Variants in AFF3 observed in about 807,000 individuals in gnomAD.
AFF3 encodes ALF transcription elongation factor 3, also known as AF4/FMR2 family member 3.
AFF3 carries 32 observed loss-of-function variants against 129.7 expected under a neutral mutation model. The observed-to-expected ratio is 0.25, with a 90% CI of 0.19 to 0.33. The LOEUF (loss-of-function observed/expected upper bound fraction) is 0.33, where lower values mean the gene tolerates loss of function less well. Ranked by LOEUF, AFF3 falls within the 10% of genes least tolerant of loss-of-function variation. AFF3 has a pLI of 1.00. For synonymous variants in AFF3, 644 were observed against 635.4 expected (o/e 1.01, Z -0.20); for missense variants, 1,373 against 1,592.0 (o/e 0.86, Z 2.34).
chr2:99,610,243 C>A (rs1680789925), intron 13 of AFF3, among the ~76,000 whole-genome samples: 2 of 152,214 alleles, frequency 1.3e-5, no homozygotes, highest in Admixed American at 6.5e-5. Flanking sequence ...CCATAAAGAT[C>A]TCCCTCATGA....
At chr2:100,112,197 G>A (rs1691536195) in intron 2 of AFF3, among the ~76,000 whole-genome samples, 1 of 152,198 alleles carries the variant, frequency 6.6e-6, no homozygotes, top group African/African-American at 2.4e-5. Context: ...ATACCATACA[G>A]AGAGGGCGAG....
At chr2:100,027,500 C>T (rs1375868014) in intron 4 of AFF3, among the ~76,000 whole-genome samples, 1 of 152,194 alleles carries the variant, frequency 6.6e-6, no homozygotes, top group Non-Finnish European at 1.5e-5. Context: ...ATTTACGGAA[C>T]TGCCAAGGCC....
chr2:100,114,464 C>G (rs552710894), intron 2 of AFF3, among the ~76,000 whole-genome samples: 58 of 152,276 alleles, frequency 3.8e-4, no homozygotes, highest in African/African-American at 1.3e-3. Flanking sequence ...TCACTGCAAC[C>G]TCTGCCTCCC....
intron 11 of AFF3, among the ~76,000 whole-genome samples, chr2:99,705,418 G>A (rs1169053316): frequency 6.6e-6 from 1 of 152,018 alleles, no homozygotes; most frequent in African/African-American, 2.4e-5. Flanking sequence ...GAGGTCAACG[G>A]CACCAGAGGA....
At chr2:100,059,628 C>T (rs2105217077) in intron 4 of AFF3, among the ~76,000 whole-genome samples, 1 of 152,310 alleles carries the variant, frequency 6.6e-6, no homozygotes, top group Admixed American at 6.5e-5. Context: ...TGAATTATAT[C>T]TGAATATAGC....
chr2:100,105,509 A>G lies in AFF3; in HGVS notation c.-70T>C. 1.5e-6 allele frequency: 2 copies of G among 1,330,250 alleles called. No individual in the cohort carries two copies. The highest frequency in any genetic ancestry group is 1.5e-5 in the African/African-American group (1 of 66,812). 82.4% of individuals were successfully genotyped at this position (1,330,250 alleles called of 1,614,324 possible). On this transcript the variant is annotated 5_prime_UTR_variant, in exon 3 of 25. Coordinates refer to ENST00000672756, the MANE Select transcript of AFF3 (RefSeq NM_001386135.1). ...CCTTTCTTTTTATTTCTCACCGGGAAGGGGGACAAACTGGCCTCTGGGTGT... is the reference window on the plus strand; with the variant it reads ...CCTTTCTTTTTATTTCTCACCGGGAGGGGGGACAAACTGGCCTCTGGGTGT...
chr2:99,862,258 T>G (rs2087061052), intron 7 of AFF3, among the ~76,000 whole-genome samples: 1 of 152,198 alleles, frequency 6.6e-6, no homozygotes, highest in Non-Finnish European at 1.5e-5. Flanking sequence ...GGTAGAGTTC[T>G]CTGGTTTTGC....
intron 4 of AFF3, among the ~76,000 whole-genome samples, chr2:100,064,380 A>G (rs1687552843): frequency 6.6e-6 from 1 of 152,136 alleles, no homozygotes; most frequent in Admixed American, 6.6e-5. Context: ...CTCCTCCCAC[A>G]TAATCTGGAT....
chr2:99,695,938 G>GAAAAATAAAAAAA (rs1676181915), intron 11 of AFF3, among the ~76,000 whole-genome samples: 1 of 57,648 alleles, frequency 1.7e-5, no homozygotes, highest in African/African-American at 7.2e-5. Context: ...CTGGAAAAAT[G>GAAAAATAAAAAAA]AAAAAAAAAA....
chr2:100,078,422 G>A (rs1451859369), intron 4 of AFF3, among the ~76,000 whole-genome samples: 3 of 152,160 alleles, frequency 2.0e-5, no homozygotes, highest in African/African-American at 7.2e-5. Flanking sequence ...AGAGTTGGAA[G>A]TGACCTTTGT....
rs149737787 is a variant in AFF3, at chr2:99,863,702, T to C, written c.874-26178A>G. 4.6e-5 allele frequency among the ~76,000 whole-genome samples: 7 copies of C among 152,322 alleles called. No individual in the cohort carries two copies. The East Asian group carries it at 1.2e-3, about 25-fold the overall frequency. On this transcript the variant is annotated intron_variant, in intron 7 of 24. Transcript: ENST00000672756. ...TTAAACAGGGTATATCCAGAAGTTA[T>C]TGGGCTAAGTGCGGCAAGAATGCAT... is the stretch of plus-strand genomic sequence containing the variant.
chr2:99,661,120 G>GT (rs1433860158), intron 12 of AFF3, among the ~76,000 whole-genome samples: 3 of 152,174 alleles, frequency 2.0e-5, no homozygotes, highest in Non-Finnish European at 4.4e-5. Context: ...CTCTTGTAGG[G>GT]TTTCACTTCC....
At chr2:99,902,651 C>A (rs1466321274) in intron 7 of AFF3, among the ~76,000 whole-genome samples, 1 of 152,088 alleles carries the variant, frequency 6.6e-6, no homozygotes, top group Non-Finnish European at 1.5e-5. Flanking sequence ...GGAAGAATCA[C>A]CTCCAAATTT....
At chr2:100,034,457 T>C (rs974773711) in intron 4 of AFF3, among the ~76,000 whole-genome samples, 9 of 149,580 alleles carry the variant, frequency 6.0e-5, no homozygotes, top group African/African-American at 2.3e-4. Flanking sequence ...TCTCTTTTCA[T>C]TTCAGAATTT....
chr2:99,646,981 A>G (rs562560905), intron 13 of AFF3, among the ~76,000 whole-genome samples: 2 of 152,340 alleles, frequency 1.3e-5, no homozygotes, highest in South Asian at 2.1e-4. Context: ...AATGGCTGTT[A>G]TTGAAAAGTC....
At position 100,006,712 on chromosome 2, in the gene AFF3, T is replaced by C. The variant is rs369733286; in HGVS notation, c.793A>G (p.Arg265Gly). Reference sequence around the variant, plus strand: ...TCCGGCTTGCTGGCAGGGACTCCCCTGTATGATGTGCAGTGCACGCTGGTT... The same window carrying C: ...TCCGGCTTGCTGGCAGGGACTCCCCCGTATGATGTGCAGTGCACGCTGGTT... ...SETSVHCTSY[R>G]GVPASKPEPA... The change falls in exon 7 of 25, where the codon AGG becomes GGG. Residue 265 changes from arginine to glycine, a missense_variant. Transcript: ENST00000672756. The C allele has an allele frequency of 1.2e-6, 2 of 1,614,212 alleles. No homozygotes were observed. The highest frequency in any genetic ancestry group is 8.5e-7 in the Non-Finnish European group (1 of 1,180,042).
chr2:99,896,054 G>C (rs899339890), intron 7 of AFF3, among the ~76,000 whole-genome samples: 3 of 124,760 alleles, frequency 2.4e-5, no homozygotes, highest in African/African-American at 9.5e-5. Flanking sequence ...GAGTGACAGA[G>C]TGAGACTCCT....
At chr2:99,966,703 A>G (rs1333449513) in intron 7 of AFF3, among the ~76,000 whole-genome samples, 3 of 144,702 alleles carry the variant, frequency 2.1e-5, no homozygotes, top group African/African-American at 7.9e-5. Flanking sequence ...AAAAAAAAAA[A>G]AAAAAAAAAA....
intron 4 of AFF3, among the ~76,000 whole-genome samples, chr2:100,091,454 T>A (rs1322720963): frequency 2.2e-4 from 31 of 139,278 alleles, no homozygotes; most frequent in African/African-American, 7.5e-4. Context: ...CCTGGCTATG[T>A]ACCTTCACCA....
Sources: gnomAD v4.1 joint callset for allele counts (sites outside exome capture counted in the v4.1 genomes callset) on GRCh38, gnomAD v4.1.1 for gene constraint, MANE v1.5 for transcripts, NCBI Gene and HGNC (gene_info 2026-07-23, HGNC 2026-07-21) for gene names.